BNC2: variants seen among roughly 807,000 people sequenced by gnomAD.
The protein encoded by BNC2 is zinc finger protein basonuclin-2.
A neutral mutation model predicts 76.3 loss-of-function variants in BNC2; 20 were observed. The ratio of observed to expected loss-of-function variants is 0.26; its 90% CI spans 0.18 to 0.38. BNC2 has a LOEUF of 0.38. Ranked by LOEUF, BNC2 falls within the 10% of genes least tolerant of loss-of-function variation. The probability of loss-of-function intolerance (pLI) is 1.00; values close to 1 mark genes in which losing one functional copy is unlikely to be tolerated. For missense variants in BNC2, 1,382 were observed against 1,399.8 expected, an observed-to-expected ratio of 0.99 and a Z score of 0.20; for synonymous variants, 582 against 514.8, an observed-to-expected ratio of 1.13 and a Z score of -1.77.
intron 3 of BNC2, among the ~76,000 whole-genome samples, chr9:16,711,111 C>T (rs1399427338): frequency 1.3e-5 from 2 of 152,152 alleles, no homozygotes; most frequent in African/African-American, 4.8e-5. Flanking sequence ...TCCCCTCCCC[C>T]CAGTCTTTCT....
At chr9:16,694,518 G>C (rs1823277733) in intron 3 of BNC2, among the ~76,000 whole-genome samples, 1 of 152,158 alleles carries the variant, frequency 6.6e-6, no homozygotes, top group Admixed American at 6.5e-5. Flanking sequence ...TGAAGACTGA[G>C]CCTGAAGGAA....
At chr9:16,803,454 AG>A (rs1224697399) in intron 1 of BNC2, among the ~76,000 whole-genome samples, 1 of 152,194 alleles carries the variant, frequency 6.6e-6, no homozygotes, top group African/African-American at 2.4e-5. Context: ...GCCTTCAAGG[AG>A]GGAAGTGACG....
At chr9:16,460,867 C>G (rs1173170467) in intron 5 of BNC2, among the ~76,000 whole-genome samples, 1 of 152,028 alleles carries the variant, frequency 6.6e-6, no homozygotes, top group Non-Finnish European at 1.5e-5. Context: ...ATGGCAGGCA[C>G]TCCATAAATG....
intron 3 of BNC2, 190 bp downstream of exon 3, chr9:16,727,607 C>T: frequency 1.7e-6 from 1 of 603,620 alleles, no homozygotes; most frequent in Non-Finnish European, 2.9e-6. Flanking sequence ...TTTTAAGACG[C>T]CCTTAGGGAA....
intron 5 of BNC2, among the ~76,000 whole-genome samples, chr9:16,519,775 G>C (rs1280237572): frequency 6.6e-6 from 1 of 152,184 alleles, no homozygotes; most frequent in African/African-American, 2.4e-5. Flanking sequence ...GAGGTTCATG[G>C]AGGTTAAGTA....
chr9:16,860,865 G>T, intron 1 of BNC2, among the ~76,000 whole-genome samples: 1 of 151,920 alleles, frequency 6.6e-6, no homozygotes, highest in East Asian at 2.0e-4. Flanking sequence ...GGCCAACATA[G>T]AGAAACCCTA....
intron 3 of BNC2, among the ~76,000 whole-genome samples, chr9:16,614,379 T>A (rs1342424642): frequency 6.6e-6 from 1 of 152,054 alleles, no homozygotes. Flanking sequence ...AACACATGTA[T>A]GCTTCAAAAG....
At chr9:16,859,733 AG>A (rs780656195) in intron 1 of BNC2, among the ~76,000 whole-genome samples, 20 of 152,202 alleles carry the variant, frequency 1.3e-4, no homozygotes, top group Admixed American at 5.2e-4. Context: ...TGTTATTCAA[AG>A]GTTAAAAAAT....
intron 3 of BNC2, among the ~76,000 whole-genome samples, chr9:16,668,462 C>G (rs968015215): frequency 6.6e-6 from 1 of 152,208 alleles, no homozygotes; most frequent in African/African-American, 2.4e-5. Context: ...GTATACCATA[C>G]ATGAGTGAAT....
At chr9:16,775,411 C>A (rs200033427) in intron 1 of BNC2, among the ~76,000 whole-genome samples, 9 of 123,942 alleles carry the variant, frequency 7.3e-5, no homozygotes, top group Non-Finnish European at 7.0e-5. Flanking sequence ...AAAAAAAAAA[C>A]TCCCATGATT....
chr9:16,831,810 C>G lies in BNC2; in HGVS notation c.3+38836G>C, dbSNP rs541969268. Among the ~76,000 whole-genome samples, 6 of 152,232 alleles carry G rather than the reference C, an allele frequency of 3.9e-5. No homozygotes were observed. The East Asian group carries it at 1.2e-3, about 29-fold the overall frequency. On this transcript the variant is annotated intron_variant, in intron 1 of 6. Transcript: ENST00000380672. ...CAACTTTTCTTAGACAATGTCACAC[C>G]AATTGCATCAAGCTCCATAGAGACT...
intron 1 of BNC2, among the ~76,000 whole-genome samples, chr9:16,844,121 A>T (rs977311371): frequency 6.6e-6 from 1 of 151,708 alleles, no homozygotes; most frequent in Admixed American, 6.6e-5. Flanking sequence ...TAAATCTTAT[A>T]AGAGTTTAGC....
At chr9:16,450,321 G>C (rs1015049667) in intron 5 of BNC2, among the ~76,000 whole-genome samples, 3 of 152,198 alleles carry the variant, frequency 2.0e-5, no homozygotes, top group Admixed American at 6.5e-5. Flanking sequence ...ATCAACTGCA[G>C]ATAATTTAGA....
intron 5 of BNC2, among the ~76,000 whole-genome samples, chr9:16,527,522 A>C (rs1193325778): frequency 2.6e-5 from 4 of 152,160 alleles, no homozygotes; most frequent in African/African-American, 4.8e-5. Context: ...ACAACTTCCT[A>C]CAAGTATATG....
At chr9:16,816,334 C>G (rs1354829325) in intron 1 of BNC2, among the ~76,000 whole-genome samples, 2 of 152,094 alleles carry the variant, frequency 1.3e-5, no homozygotes, top group South Asian at 4.1e-4. Context: ...GTTCTTCACA[C>G]CACCACTTCA....
At position 16,419,302 on chromosome 9, in the gene BNC2, G is replaced by A; in HGVS notation, c.2987C>T (p.Ala996Val). 6.2e-7 allele frequency: 1 copy of A among 1,613,958 alleles called. No homozygotes were observed. The highest frequency in any genetic ancestry group is 8.5e-7 in the Non-Finnish European group (1 of 1,179,880). The change falls in exon 7 of 7, where the codon GCG (alanine) becomes GTG (valine). Residue 996 changes from alanine (A) to valine (V), a missense_variant. Ala to Val is a moderately conservative substitution (Grantham distance 64, BLOSUM62 0). This residue lies in a region of BNC2 where 798 missense variants were observed against 775.5 expected (regional missense o/e 1.03). Coordinates refer to ENST00000380672, the MANE Select transcript of BNC2 (RefSeq NM_017637.6). ...GTGTGCCGACTCCCCACTGTCACTC[G>A]CCCCGTCAATGTCATCGAGAAGAAT... ...EGILLDDIDG[A>V]SDSGESAHKA... is the part of the protein sequence containing the mutation.
chr9:16,776,788 G>C (rs760863741), intron 1 of BNC2, among the ~76,000 whole-genome samples: 1 of 152,186 alleles, frequency 6.6e-6, no homozygotes, highest in African/African-American at 2.4e-5. Flanking sequence ...AATAATAAGG[G>C]TCAATTGAAA....
At chr9:16,628,844 A>C (rs1318003128) in intron 3 of BNC2, among the ~76,000 whole-genome samples, 4 of 152,200 alleles carry the variant, frequency 2.6e-5, no homozygotes, top group African/African-American at 9.7e-5. Context: ...TGTTAAAGGG[A>C]AAGAAAGTCC....
intron 3 of BNC2, among the ~76,000 whole-genome samples, chr9:16,713,266 T>C (rs1823901361): frequency 1.3e-5 from 2 of 152,146 alleles, no homozygotes; most frequent in African/African-American, 2.4e-5. Context: ...TACATAGTCA[T>C]AGACCTTTCA....
Sources: allele counts gnomAD v4.1 joint callset (sites outside exome capture counted in the v4.1 genomes callset), GRCh38; gene constraint gnomAD v4.1.1; regional missense constraint gnomAD v4.1.1; transcripts MANE v1.5; gene names NCBI Gene and HGNC (gene_info 2026-07-23, HGNC 2026-07-21).